FGF1: variants seen among roughly 807,000 people sequenced by gnomAD.
FGF1 encodes fibroblast growth factor 1.
Under a neutral mutation model 13.4 loss-of-function variants are expected in FGF1, and 9 were observed. The ratio of observed to expected loss-of-function variants is 0.67; its 90% CI spans 0.40 to 1.17. The LOEUF (loss-of-function observed/expected upper bound fraction) is 1.17, where lower values mean the gene tolerates loss of function less well. Ranked by LOEUF, FGF1 falls within the 50% of genes most tolerant of loss-of-function variation. The probability of loss-of-function intolerance (pLI) is 0.01; values close to 1 mark genes in which losing one functional copy is unlikely to be tolerated. For missense variants in FGF1, 156 were observed against 192.7 expected (o/e 0.81, Z 1.13); for synonymous variants, 93 against 79.0 (o/e 1.18, Z -0.94).
chr5:142,690,652 G>A (rs1265123420), upstream of FGF1, among the ~76,000 whole-genome samples: 1 of 152,154 alleles, frequency 6.6e-6, no homozygotes, highest in Non-Finnish European at 1.5e-5. Flanking sequence ...TGGAGTATTG[G>A]GGTATCTTCC....
chr5:142,666,470 C>A (rs1770384866), intron 1 of FGF1, among the ~76,000 whole-genome samples: 1 of 152,140 alleles, frequency 6.6e-6, no homozygotes, highest in African/African-American at 2.4e-5. Context: ...GTGTGTTAGA[C>A]AAGAATCCCA....
At chr5:142,648,387 C>T (rs59732853) in intron 1 of FGF1, among the ~76,000 whole-genome samples, 2 of 151,976 alleles carry the variant, frequency 1.3e-5, no homozygotes, top group Non-Finnish European at 2.9e-5. Flanking sequence ...AACCATCATT[C>T]TCAGCAAACT....
At chr5:142,674,847 C>T (rs1038993443) in intron 1 of FGF1, among the ~76,000 whole-genome samples, 1 of 152,184 alleles carries the variant, frequency 6.6e-6, no homozygotes, top group Non-Finnish European at 1.5e-5. Flanking sequence ...CACACCCCTC[C>T]TCTGCCTGCC....
chr5:142,661,864 A>G (rs754934812), intron 1 of FGF1, among the ~76,000 whole-genome samples: 12 of 152,194 alleles, frequency 7.9e-5, no homozygotes, highest in South Asian at 4.1e-4. Flanking sequence ...TTAGCAGGGC[A>G]TGGTGGCGGT....
intron 1 of FGF1, among the ~76,000 whole-genome samples, chr5:142,656,705 G>A (rs1289737936): frequency 6.6e-6 from 1 of 152,122 alleles, no homozygotes; most frequent in Non-Finnish European, 1.5e-5. Flanking sequence ...AAGAAAAAGA[G>A]CACTAGACAC....
At chr5:142,617,191 C>A (rs1391915920) in intron 1 of FGF1, among the ~76,000 whole-genome samples, 1 of 152,044 alleles carries the variant, frequency 6.6e-6, no homozygotes, top group African/African-American at 2.4e-5. Flanking sequence ...ATGGCAAAAA[C>A]CCATCTCTAC....
intron 1 of FGF1, among the ~76,000 whole-genome samples, chr5:142,640,086 T>A (rs1764919701): frequency 2.0e-5 from 3 of 152,028 alleles, no homozygotes; most frequent in Admixed American, 1.3e-4. Flanking sequence ...TTGGAATGAA[T>A]CATATGTATT....
At chr5:142,669,075 C>T (rs578015073) in intron 1 of FGF1, among the ~76,000 whole-genome samples, 6 of 152,306 alleles carry the variant, frequency 3.9e-5, no homozygotes, top group South Asian at 2.1e-4. Context: ...TGCCGCTGAG[C>T]GGGGGGTTTT....
rs559178619 is a variant in FGF1, at chr5:142,683,640, G to A, written c.-35+2317C>T. ...AGTTAGAGACCAGCCTTAGCAACATGGAGAAACCCCGTCTCTAATAAAAAT... is the reference window on the plus strand; with the variant it reads ...AGTTAGAGACCAGCCTTAGCAACATAGAGAAACCCCGTCTCTAATAAAAAT... On this transcript the variant is annotated intron_variant, in intron 1 of 3. Coordinates refer to ENST00000337706, the MANE Select transcript of FGF1 (RefSeq NM_000800.5). 1.7e-3 allele frequency among the ~76,000 whole-genome samples: 264 copies of A among 151,982 alleles called. 1 individual carries two copies. Among genetic ancestry groups the A allele is most frequent in the African/African-American group, 6.1e-3 (254 of 41,448 alleles).
chr5:142,620,903 A>C (rs6889838), intron 1 of FGF1, among the ~76,000 whole-genome samples: 2 of 152,218 alleles, frequency 1.3e-5, no homozygotes, highest in African/African-American at 4.8e-5. Flanking sequence ...TTTGGGCAGA[A>C]TAGAAATCAC....
chr5:142,687,322 G>A (rs1751419044), upstream of FGF1, among the ~76,000 whole-genome samples: 1 of 152,200 alleles, frequency 6.6e-6, no homozygotes, highest in Non-Finnish European at 1.5e-5. Flanking sequence ...ATGGGGGTGT[G>A]GGGAAGCCAT....
rs550257568 is a variant in FGF1 at position 142,661,930 on chromosome 5, G to C, written c.-35+24027C>G. ...AGGCAGGAGAATGGCGTGAACCTAGGGGGTGGAGGTTGCAGTGAGCCGAGA... is the reference window on the plus strand; with the variant it reads ...AGGCAGGAGAATGGCGTGAACCTAGCGGGTGGAGGTTGCAGTGAGCCGAGA... On this transcript the variant is annotated intron_variant, in intron 1 of 3. Coordinates refer to ENST00000337706, the MANE Select transcript of FGF1 (RefSeq NM_000800.5). Among the ~76,000 whole-genome samples, 8 of 152,146 alleles carry C rather than the reference G, an allele frequency of 5.3e-5. No homozygotes were observed. In the South Asian group the frequency reaches 6.2e-4, roughly 12 times the overall value.
At chr5:142,654,197 C>T (rs1319461321) in intron 1 of FGF1, among the ~76,000 whole-genome samples, 1 of 152,182 alleles carries the variant, frequency 6.6e-6, no homozygotes, top group East Asian at 1.9e-4. Flanking sequence ...TGTGAATTTC[C>T]TGAGGGCAGC....
In FGF1 at chr5:142,620,366, T is replaced by G. The variant is rs40043; in HGVS notation, c.-34-6205A>C. Among the ~76,000 whole-genome samples the G allele has an allele frequency of 6.5e-3, 981 of 151,790 alleles. 1 individual carries two copies. The highest frequency in any genetic ancestry group is 0.01 in the Non-Finnish European group (684 of 67,946). On this transcript the variant is annotated intron_variant, in intron 1 of 3. Transcript: ENST00000337706. ...CCAGGAGGCGGAGCTTGCAGTGAGC[T>G]GAGATCGCGCCACTGCACTCCAGCC...
At chr5:142,676,029 G>C (rs571408064) in intron 1 of FGF1, among the ~76,000 whole-genome samples, 1 of 152,148 alleles carries the variant, frequency 6.6e-6, no homozygotes, top group South Asian at 2.1e-4. Flanking sequence ...TGCCCTGGGC[G>C]TAACCTCTTT....
intron 2 of FGF1, among the ~76,000 whole-genome samples, chr5:142,696,948 A>T (rs1753200006): frequency 6.6e-6 from 1 of 152,162 alleles, no homozygotes; most frequent in Admixed American, 6.5e-5. Flanking sequence ...CCCTAAATGG[A>T]TATAGGTACA....
intron 1 of FGF1, among the ~76,000 whole-genome samples, chr5:142,671,140 A>C (rs550029470): frequency 8.3e-4 from 126 of 152,368 alleles, no homozygotes; most frequent in Admixed American, 6.1e-3. Flanking sequence ...GACAGTATTT[A>C]GATTACATGA....
At chr5:142,648,963 G>T (rs1766704607) in intron 1 of FGF1, among the ~76,000 whole-genome samples, 1 of 152,194 alleles carries the variant, frequency 6.6e-6, no homozygotes, top group South Asian at 2.1e-4. Flanking sequence ...ACAATAGCAG[G>T]ACGGCCGAGA....
At chr5:142,673,001 T>A (rs1457071738) in intron 1 of FGF1, among the ~76,000 whole-genome samples, 1 of 152,120 alleles carries the variant, frequency 6.6e-6, no homozygotes. Context: ...ATTAAGTGAG[T>A]TAATGTAAGT....
Sources: gnomAD v4.1 joint callset for allele counts (sites outside exome capture counted in the v4.1 genomes callset) on GRCh38, gnomAD v4.1.1 for gene constraint, MANE v1.5 for transcripts, NCBI Gene and HGNC (gene_info 2026-07-23, HGNC 2026-07-21) for gene names.